The following ARID4B variants were observed in gnomAD, a reference collection of about 807,000 sequenced individuals.
ARID4B encodes AT-rich interactive domain-containing protein 4B.
ARID4B carries 26 observed loss-of-function variants against 147.5 expected under a neutral mutation model. The observed-to-expected ratio is 0.18, with a 90% CI of 0.13 to 0.24. The LOEUF (loss-of-function observed/expected upper bound fraction) is 0.24, where lower values mean the gene tolerates loss of function less well. Ranked by LOEUF, ARID4B falls within the 10% of genes least tolerant of loss-of-function variation. The pLI is 1.00. For missense variants in ARID4B, 1,179 were observed against 1,511.5 expected (o/e 0.78, Z 3.65); for synonymous variants, 512 against 507.9 (o/e 1.01, Z -0.11).
At chr1:235,220,900 GT>G (rs536507035) in intron 14 of ARID4B, among the ~76,000 whole-genome samples, 2 of 145,478 alleles carry the variant, frequency 1.4e-5, no homozygotes, top group Non-Finnish European at 3.0e-5. Context: ...GTTTTTTTTT[GT>G]TTTTTTTTGT....
Position 235,172,693 on chromosome 1 carries a change from G to A in ARID4B, c.3736C>T (p.His1246Tyr), listed in dbSNP as rs755752512. 3 of 1,607,178 alleles carry A rather than the reference G, an allele frequency of 1.9e-6. No individual in the cohort carries two copies. Among genetic ancestry groups the A allele is most frequent in the South Asian group, 2.2e-5 (2 of 89,516 alleles). ...ACTTCAGATTTTAATGACAGATAATGTTTTCTGATTTCTTGAAGTTTTTCT... is the reference window on the plus strand; with the variant it reads ...ACTTCAGATTTTAATGACAGATAATATTTTCTGATTTCTTGAAGTTTTTCT... ...LQEKLQEIRK[H>Y]YLSLKSEVAS... The change falls in exon 23 of 24, where the codon CAT (histidine) becomes TAT (tyrosine). Residue 1246 changes from histidine to tyrosine, a missense_variant. Transcript: ENST00000264183.
intron 16 of ARID4B, among the ~76,000 whole-genome samples, chr1:235,216,181 CA>C (rs1453114194): frequency 6.6e-6 from 1 of 151,928 alleles, no homozygotes; most frequent in Non-Finnish European, 1.5e-5. Context: ...AACTATAACA[CA>C]AATTCCTCAA....
chr1:235,181,029 G>T, intron 20 of ARID4B: 1 of 748,290 alleles, frequency 1.3e-6, no homozygotes, highest in Non-Finnish European at 1.7e-6. Context: ...CAATTTGGAA[G>T]CTATGCATCT....
intron 7 of ARID4B, among the ~76,000 whole-genome samples, chr1:235,244,000 T>C (rs1669148323): frequency 6.6e-6 from 1 of 152,158 alleles, no homozygotes; most frequent in Non-Finnish European, 1.5e-5. Context: ...ACCACTAAAC[T>C]GTACACTTTA....
intron 11 of ARID4B, among the ~76,000 whole-genome samples, chr1:235,227,196 A>G (rs946402105): frequency 6.6e-6 from 1 of 152,200 alleles, no homozygotes; most frequent in Non-Finnish European, 1.5e-5. Context: ...TGACATTGCT[A>G]TAGCATAAAG....
chr1:235,215,869 G>A (rs1184587000), intron 16 of ARID4B, among the ~76,000 whole-genome samples: 2 of 151,520 alleles, frequency 1.3e-5, no homozygotes, highest in Non-Finnish European at 2.9e-5. Context: ...GATTATAGGT[G>A]TGAGCCACTG....
At chr1:235,304,001 C>A (rs751082114) in intron 2 of ARID4B, among the ~76,000 whole-genome samples, 1 of 152,082 alleles carries the variant, frequency 6.6e-6, no homozygotes, top group Non-Finnish European at 1.5e-5. Flanking sequence ...AATAACAAAG[C>A]AAGCAATGAA....
chr1:235,276,864 G>C (rs1017749325), intron 2 of ARID4B, among the ~76,000 whole-genome samples: 2 of 151,920 alleles, frequency 1.3e-5, no homozygotes, highest in African/African-American at 4.8e-5. Flanking sequence ...GCTGGGAGTG[G>C]TAGCGGGTGC....
chr1:235,250,117 A>C (rs1251931620), intron 6 of ARID4B, among the ~76,000 whole-genome samples: 5 of 151,712 alleles, frequency 3.3e-5, no homozygotes, highest in Non-Finnish European at 7.4e-5. Flanking sequence ...AAAAAATAAT[A>C]ATAATAATAA....
At chr1:235,296,341 G>T (rs1672705116) in intron 2 of ARID4B, 1 of 152,396 alleles carries the variant, frequency 6.6e-6, no homozygotes, top group Non-Finnish European at 1.5e-5. Flanking sequence ...CATCTAAAGT[G>T]AGCCCAGCTG....
intron 2 of ARID4B, among the ~76,000 whole-genome samples, chr1:235,314,893 T>A (rs984345650): frequency 3.9e-5 from 6 of 152,322 alleles, no homozygotes; most frequent in Admixed American, 1.3e-4. Context: ...ATAATCTTCA[T>A]TTGCTATTGA....
At chr1:235,229,418 G>A (rs1452373758) in intron 10 of ARID4B, 33 bp from the exon 11 acceptor site, 18 of 1,402,174 alleles carry the variant, frequency 1.3e-5, no homozygotes, top group Non-Finnish European at 1.7e-5. Flanking sequence ...ATGAACTGAA[G>A]AAATTAAGAC....
At chr1:235,322,572 T>A (rs539001396) in intron 2 of ARID4B, among the ~76,000 whole-genome samples, 1 of 152,334 alleles carries the variant, frequency 6.6e-6, no homozygotes, top group South Asian at 2.1e-4. Flanking sequence ...CATAGCTCTC[T>A]GATTTAGCTG....
chr1:235,309,646 C>T (rs1572213434), intron 2 of ARID4B, among the ~76,000 whole-genome samples: 1 of 151,936 alleles, frequency 6.6e-6, no homozygotes, highest in Non-Finnish European at 1.5e-5. Flanking sequence ...AGCCCCTCTG[C>T]CCGGCCGCCA....
chr1:235,246,147 T>C (rs1279968346), intron 7 of ARID4B, among the ~76,000 whole-genome samples: 2 of 152,160 alleles, frequency 1.3e-5, no homozygotes, highest in East Asian at 1.9e-4. Flanking sequence ...AAACAAGCGA[T>C]GTATTCAGGA....
At chr1:235,223,382 T>TATACACGTATATATATATATATATAC (rs71172272) in intron 12 of ARID4B, 122 bp from the exon 13 acceptor site, 4 of 214,210 alleles carry the variant, frequency 1.9e-5, no homozygotes, top group Admixed American at 6.7e-5. Flanking sequence ...TATATATATA[T>TATACACGTATATATATATATATATAC]ACACGTATAT....
intron 17 of ARID4B, among the ~76,000 whole-genome samples, chr1:235,211,630 G>C (rs1440187770): frequency 6.6e-6 from 1 of 152,168 alleles, no homozygotes; most frequent in African/African-American, 2.4e-5. Flanking sequence ...TCAGGCTGGA[G>C]TACAGTGGCA....
chr1:235,175,508 A>C, intron 21 of ARID4B, 109 bp from the exon 22 acceptor site: 1 of 864,604 alleles, frequency 1.2e-6, no homozygotes, highest in Non-Finnish European at 1.8e-6. Flanking sequence ...TACAGAAAAC[A>C]ACCTGCCTAG....
intron 2 of ARID4B, among the ~76,000 whole-genome samples, chr1:235,313,724 T>C (rs1408128927): frequency 6.6e-6 from 1 of 152,086 alleles, no homozygotes; most frequent in African/African-American, 2.4e-5. Flanking sequence ...GGGAGCAAAT[T>C]AGGAGAGAGG....
Sources: allele counts gnomAD v4.1 joint callset (sites outside exome capture counted in the v4.1 genomes callset), GRCh38; gene constraint gnomAD v4.1.1; transcripts MANE v1.5; gene names NCBI Gene and HGNC (gene_info 2026-07-23, HGNC 2026-07-21).